TEX15: variants seen among roughly 807,000 people sequenced by gnomAD.
The protein encoded by TEX15 is testis-expressed protein 15.
A neutral mutation model predicts 237.3 loss-of-function variants in TEX15; 171 were observed. The observed-to-expected ratio is 0.72, with a 90% CI of 0.64 to 0.82. The LOEUF (loss-of-function observed/expected upper bound fraction) is 0.82. Ranked by LOEUF, TEX15 falls within the 40% of genes least tolerant of loss-of-function variation. TEX15 has a pLI of 0.00. For missense variants in TEX15, 3,750 were observed against 3,646.5 expected, an observed-to-expected ratio of 1.03 and a Z score of -0.73; for synonymous variants, 1,338 against 1,269.8, an observed-to-expected ratio of 1.05 and a Z score of -1.14.
At chr8:30,841,176 T>A (rs1412511456) in intron 8 of TEX15, among the ~76,000 whole-genome samples, 1 of 152,220 alleles carries the variant, frequency 6.6e-6, no homozygotes, top group East Asian at 1.9e-4. Context: ...CACCTTGGCC[T>A]CCCAAAGTGC....
At chr8:30,841,129 A>C (rs1807443799) in intron 8 of TEX15, among the ~76,000 whole-genome samples, 1 of 152,168 alleles carries the variant, frequency 6.6e-6, no homozygotes, top group Admixed American at 6.5e-5. Flanking sequence ...CATGTTGCCC[A>C]GGCTGGTCTT....
At position 30,892,328 on chromosome 8, in the gene TEX15, T is replaced by C. The variant is rs937209350; in HGVS notation, c.-9-5017A>G. On this transcript the variant is annotated intron_variant, in intron 2 of 10. Transcript: ENST00000643185. Reference sequence around the variant, plus strand: ...TATGTATGAATTCTGGGCTCTGGGCTCTGTTTCATTGGTGTCTTTCTGTAT... The same window carrying C: ...TATGTATGAATTCTGGGCTCTGGGCCCTGTTTCATTGGTGTCTTTCTGTAT... Among the ~76,000 whole-genome samples, 19 of 152,232 alleles carry C rather than the reference T, an allele frequency of 1.2e-4. 1 individual carries two copies. The highest frequency in any genetic ancestry group is 2.9e-5 in the Non-Finnish European group (2 of 68,046).
intron 3 of TEX15, among the ~76,000 whole-genome samples, chr8:30,877,549 T>C (rs1465194315): frequency 6.6e-6 from 1 of 152,190 alleles, no homozygotes; most frequent in East Asian, 1.9e-4. Flanking sequence ...ATTTTCATTT[T>C]AGTATTTGTA....
At position 30,843,642 on chromosome 8, in the gene TEX15, T is replaced by C; in HGVS notation, c.6525A>G (p.Glu2175=). ...VFLKYKRQVN[E]CEAIMEHCSD... Reference sequence around the variant, plus strand: ...AACAATGCTCCATTATGGCTTCACATTCATTAACCTGTCGTTTGTACTTTA... The same window carrying C: ...AACAATGCTCCATTATGGCTTCACACTCATTAACCTGTCGTTTGTACTTTA... The change falls in exon 8 of 11, where the codon GAA becomes GAG. Residue 2175 remains glutamate (E), a synonymous_variant. Coordinates refer to ENST00000643185, the MANE Select transcript of TEX15 (RefSeq NM_001350162.2). 6.2e-7 allele frequency: 1 copy of C among 1,612,692 alleles called. No individual in the cohort carries two copies. Among genetic ancestry groups the C allele is most frequent in the South Asian group, 1.1e-5 (1 of 90,922 alleles).
At chr8:30,900,134 G>C (rs1808980255) in intron 1 of TEX15, among the ~76,000 whole-genome samples, 1 of 152,064 alleles carries the variant, frequency 6.6e-6, no homozygotes, top group Non-Finnish European at 1.5e-5. Flanking sequence ...AAATATTTTA[G>C]AACTCATCAT....
At chr8:30,874,306 A>G (rs987103250) in intron 4 of TEX15, among the ~76,000 whole-genome samples, 4 of 152,210 alleles carry the variant, frequency 2.6e-5, no homozygotes, top group Non-Finnish European at 4.4e-5. Context: ...GGCAAAGGAG[A>G]CAAGTTAGAA....
intron 4 of TEX15, among the ~76,000 whole-genome samples, chr8:30,872,435 G>A (rs975359438): frequency 6.6e-6 from 1 of 152,076 alleles, no homozygotes; most frequent in Non-Finnish European, 1.5e-5. Context: ...CACAATACTT[G>A]TTAATAATAA....
Position 30,849,112 on chromosome 8 carries a change from G to A in TEX15, c.1055C>T (p.Ser352Phe). The A allele has an allele frequency of 1.8e-5, 29 of 1,607,066 alleles. No individual in the cohort carries two copies. Among genetic ancestry groups the A allele is most frequent in the Non-Finnish European group, 2.4e-5 (28 of 1,176,914 alleles). The change falls in exon 8 of 11, where the codon TCT becomes TTT. Residue 352 changes from serine to phenylalanine, a missense_variant. By Grantham distance (155) the Ser-to-Phe change is radical. Transcript: ENST00000643185. ...SYGNVQNGNI[S>F]IPETYSGQTE... ...CTGTCCACTGTATGTTTCAGGTATA[G>A]AAATGTTTCCATTTTGTACATTTCC...
rs1807512430 is a variant in TEX15, at chr8:30,843,445, A to G, written c.6722T>C (p.Ile2241Thr). 6.2e-7 allele frequency: 1 copy of G among 1,613,164 alleles called. No individual in the cohort carries two copies. The highest frequency in any genetic ancestry group is 8.5e-7 in the Non-Finnish European group (1 of 1,179,642). The change falls in exon 8 of 11, where the codon ATC becomes ACC. Residue 2241 changes from isoleucine to threonine, a missense_variant. Ile to Thr is a moderately conservative substitution (Grantham distance 89). Transcript: ENST00000643185. Reference sequence around the variant, plus strand: ...AACCTTTGAGGAGATCATTTCTATGATAATCCACAGATGGTCCTGTTTTCC... The same window carrying G: ...AACCTTTGAGGAGATCATTTCTATGGTAATCCACAGATGGTCCTGTTTTCC... ...YPGKQDHLWI[I>T]IEMISSKVNF...
At chr8:30,867,738 A>G (rs1325669611) in intron 4 of TEX15, among the ~76,000 whole-genome samples, 1 of 152,072 alleles carries the variant, frequency 6.6e-6, no homozygotes, top group Non-Finnish European at 1.5e-5. Context: ...AGGGGCTAAC[A>G]TTTCTTAAAT....
chr8:30,853,023 T>C (rs1338857516), intron 7 of TEX15, among the ~76,000 whole-genome samples: 2 of 152,198 alleles, frequency 1.3e-5, no homozygotes, highest in Non-Finnish European at 2.9e-5. Flanking sequence ...TGGAGGGAGA[T>C]GAATATGCTG....
At chr8:30,879,447 T>C (rs1436872641) in intron 3 of TEX15, among the ~76,000 whole-genome samples, 2 of 152,222 alleles carry the variant, frequency 1.3e-5, no homozygotes, top group African/African-American at 2.4e-5. Context: ...TTCGGAATTA[T>C]TTTTTGCATG....
intron 5 of TEX15, among the ~76,000 whole-genome samples, chr8:30,861,908 T>C (rs1395635386): frequency 6.6e-6 from 1 of 152,088 alleles, no homozygotes; most frequent in Non-Finnish European, 1.5e-5. Context: ...TCAGTAAATA[T>C]ATTCAACAGA....
intron 1 of TEX15, among the ~76,000 whole-genome samples, chr8:30,899,852 T>C (rs1028354933): frequency 3.3e-5 from 5 of 152,210 alleles, no homozygotes; most frequent in Non-Finnish European, 5.9e-5. Context: ...CCTATTATAA[T>C]GAGCTTTCAT....
chr8:30,910,834 A>G (rs1046616949), intron 1 of TEX15, among the ~76,000 whole-genome samples: 9 of 152,248 alleles, frequency 5.9e-5, no homozygotes, highest in African/African-American at 1.9e-4. Flanking sequence ...ATGATTAGGT[A>G]GGGTTCAGAT....
chr8:30,876,313 T>C (rs1218901901), intron 3 of TEX15, among the ~76,000 whole-genome samples: 1 of 152,214 alleles, frequency 6.6e-6, no homozygotes. Context: ...GTTCAATATT[T>C]TTCATATTGC....
At chr8:30,870,245 G>T (rs1808264660) in intron 4 of TEX15, among the ~76,000 whole-genome samples, 3 of 151,972 alleles carry the variant, frequency 2.0e-5, no homozygotes. Flanking sequence ...AATAGAATTG[G>T]AATCTTGTAT....
At chr8:30,899,164 A>G (rs966203121) in intron 1 of TEX15, among the ~76,000 whole-genome samples, 2 of 152,206 alleles carry the variant, frequency 1.3e-5, no homozygotes, top group African/African-American at 2.4e-5. Context: ...AACGCAGCAC[A>G]TGAGCTTGCT....
At chr8:30,905,150 A>C (rs1196597275) in intron 1 of TEX15, among the ~76,000 whole-genome samples, 4 of 152,170 alleles carry the variant, frequency 2.6e-5, no homozygotes, top group African/African-American at 9.7e-5. Context: ...CTTTAGTAAC[A>C]AACAGGCTTC....
Sources: gnomAD v4.1 joint callset for allele counts (sites outside exome capture counted in the v4.1 genomes callset) on GRCh38, gnomAD v4.1.1 for gene constraint, MANE v1.5 for transcripts, NCBI Gene and HGNC (gene_info 2026-07-23, HGNC 2026-07-21) for gene names.